The following HRH2 variants were observed in gnomAD, a reference collection of about 807,000 sequenced individuals.
HRH2 encodes the protein histamine H2 receptor.
A neutral mutation model predicts 20.1 loss-of-function variants in HRH2; 4 were observed. The ratio of observed to expected loss-of-function variants is 0.20; its 90% CI spans 0.10 to 0.45. HRH2 has a LOEUF of 0.45. HRH2 is among the 20% of genes least tolerant of loss of function. HRH2 has a pLI of 0.99. For missense variants in HRH2, 250 were observed against 461.6 expected (o/e 0.54, Z 4.20); for synonymous variants, 197 against 200.7 (o/e 0.98, Z 0.16).
In HRH2 at chr5:175,683,693, A is replaced by G; in HGVS notation, c.460A>G (p.Ile154Val). ...CTCCATTACCCTGTCCTTTCTGTCT[A>G]TCCACCTGGGGTGGAACAGCAGGAA... is the stretch of plus-strand genomic sequence containing the variant. ...VISITLSFLSIHLGWNSRNET... is the reference protein window; with the variant it reads ...VISITLSFLSVHLGWNSRNET... The change falls in exon 2 of 3, where the codon ATC (isoleucine) becomes GTC (valine). Residue 154 changes from isoleucine to valine, a missense_variant. Physicochemically the swap from Ile to Val is conservative, Grantham distance 29. Coordinates refer to ENST00000636584, the MANE Select transcript of HRH2 (RefSeq NM_001367711.1). 6.2e-7 allele frequency: 1 copy of G among 1,614,078 alleles called. No individual in the cohort carries two copies. Among genetic ancestry groups the G allele is most frequent in the Non-Finnish European group, 8.5e-7 (1 of 1,180,022 alleles).
intron 1 of HRH2, among the ~76,000 whole-genome samples, chr5:175,665,857 G>C (rs958672413): frequency 6.6e-6 from 1 of 152,110 alleles, no homozygotes; most frequent in African/African-American, 2.4e-5. Context: ...CAAGATCATA[G>C]ATGGCAGCTG....
At chr5:175,699,265 A>G (rs1373891615) in intron 2 of HRH2, among the ~76,000 whole-genome samples, 4 of 152,242 alleles carry the variant, frequency 2.6e-5, no homozygotes, top group East Asian at 3.9e-4. Context: ...AATTTCCACC[A>G]TGGCGTATTT....
At chr5:175,672,503 A>C (rs568233147) in intron 1 of HRH2, among the ~76,000 whole-genome samples, 8 of 152,378 alleles carry the variant, frequency 5.3e-5, no homozygotes, top group Admixed American at 2.6e-4. Flanking sequence ...TGGTACCCAC[A>C]TAATAGGGTT....
chr5:175,679,120 G>T (rs1043102427), intron 1 of HRH2, among the ~76,000 whole-genome samples: 1 of 152,158 alleles, frequency 6.6e-6, no homozygotes, highest in Admixed American at 6.5e-5. Flanking sequence ...CACCCTCCAA[G>T]CCCTCATCTT....
rs550328925 is a variant in HRH2 at position 175,664,582 on chromosome 5, G to A, written c.-526+6427G>A. On this transcript the variant is annotated intron_variant, in intron 1 of 2. Transcript: ENST00000636584. ...GGCAGGCAGTAGAGGAATCAGCGGC[G>A]CAGACCTTGAAAAGTCTTCAGCATC... 7.2e-5 allele frequency among the ~76,000 whole-genome samples: 11 copies of A among 152,262 alleles called. No individual in the cohort carries two copies. The South Asian group carries it at 1.7e-3, about 23-fold the overall frequency.
intron 2 of HRH2, among the ~76,000 whole-genome samples, chr5:175,696,866 CAT>C (rs1193802207): frequency 6.6e-6 from 1 of 152,212 alleles, no homozygotes; most frequent in Admixed American, 6.5e-5. Context: ...TGAGTTAAGA[CAT>C]AGAAAATGCT....
intron 1 of HRH2, among the ~76,000 whole-genome samples, chr5:175,669,425 G>A (rs1201853029): frequency 2.0e-5 from 3 of 149,518 alleles, no homozygotes; most frequent in Non-Finnish European, 4.4e-5. Flanking sequence ...GTGCAGTGGT[G>A]CAATCTCGGC....
At chr5:175,666,136 C>T (rs1371375090) in intron 1 of HRH2, among the ~76,000 whole-genome samples, 1 of 152,138 alleles carries the variant, frequency 6.6e-6, no homozygotes, top group Non-Finnish European at 1.5e-5. Context: ...CCTGCCTGAG[C>T]CCTGAGGCCC....
intron 1 of HRH2, among the ~76,000 whole-genome samples, chr5:175,674,149 T>C (rs1755672449): frequency 6.6e-6 from 1 of 152,230 alleles, no homozygotes; most frequent in African/African-American, 2.4e-5. Context: ...AGTCTCTCAC[T>C]GATAAGGAAA....
chr5:175,660,581 C>G (rs996647234), intron 1 of HRH2, among the ~76,000 whole-genome samples: 8 of 152,160 alleles, frequency 5.3e-5, no homozygotes, highest in African/African-American at 1.7e-4. Flanking sequence ...TCCCTGACTA[C>G]TTTTTCTTGA....
chr5:175,690,802 T>G (rs1756345976), intron 2 of HRH2, among the ~76,000 whole-genome samples: 1 of 152,202 alleles, frequency 6.6e-6, no homozygotes, highest in Admixed American at 6.5e-5. Context: ...TGGCCACGCA[T>G]CTGCTTTCGG....
chr5:175,670,847 A>G (rs749287947), intron 1 of HRH2, among the ~76,000 whole-genome samples: 3 of 152,158 alleles, frequency 2.0e-5, no homozygotes, highest in Non-Finnish European at 4.4e-5. Context: ...CTGGTTCTTG[A>G]TTTGCTTTGC....
chr5:175,684,814 G>A (rs977644102), intron 2 of HRH2, among the ~76,000 whole-genome samples: 3 of 152,160 alleles, frequency 2.0e-5, no homozygotes, highest in African/African-American at 7.2e-5. Flanking sequence ...CCGTGGGGGG[G>A]GTGTAAGTTG....
chr5:175,661,988 C>T (rs1762750589), intron 1 of HRH2, among the ~76,000 whole-genome samples: 1 of 152,050 alleles, frequency 6.6e-6, no homozygotes, highest in Non-Finnish European at 1.5e-5. Context: ...TGCCACTGCA[C>T]TCCAGCCTGG....
intron 1 of HRH2, among the ~76,000 whole-genome samples, chr5:175,666,476 G>C (rs1297310467): frequency 6.6e-6 from 1 of 152,204 alleles, no homozygotes; most frequent in African/African-American, 2.4e-5. Flanking sequence ...ACTGAGGCTG[G>C]AGTGCAGTGG....
intron 1 of HRH2, among the ~76,000 whole-genome samples, chr5:175,672,662 T>C (rs779883545): frequency 2.0e-5 from 3 of 152,242 alleles, no homozygotes; most frequent in Non-Finnish European, 4.4e-5. Context: ...TCCCCCATTA[T>C]GTGCCTGTTG....
intron 1 of HRH2, among the ~76,000 whole-genome samples, chr5:175,659,758 A>C (rs909808797): frequency 6.6e-6 from 1 of 152,210 alleles, no homozygotes; most frequent in Non-Finnish European, 1.5e-5. Context: ...GTGCGCGATC[A>C]GCACTGGCTT....
intron 1 of HRH2, among the ~76,000 whole-genome samples, chr5:175,668,716 C>T (rs1755405698): frequency 2.0e-5 from 3 of 152,060 alleles, no homozygotes; most frequent in South Asian, 4.2e-4. Context: ...GGAGTCCAGC[C>T]ATTCTGCAGG....
intron 2 of HRH2, among the ~76,000 whole-genome samples, chr5:175,691,798 A>G (rs7728364): frequency 0.17 from 25,226 of 151,320 alleles, 4,910 homozygotes; most frequent in African/African-American, 0.47. Flanking sequence ...CAGGAGAATC[A>G]CTTGAACCTG....
Sources: allele counts gnomAD v4.1 joint callset (sites outside exome capture counted in the v4.1 genomes callset), GRCh38; gene constraint gnomAD v4.1.1; transcripts MANE v1.5; gene names NCBI Gene and HGNC (gene_info 2026-07-23, HGNC 2026-07-21).